ACOXL: variants seen among roughly 807,000 people sequenced by gnomAD.
ACOXL encodes the protein acyl-coenzyme A oxidase-like protein.
A neutral mutation model predicts 71.9 loss-of-function variants in ACOXL; 70 were observed. The observed-to-expected ratio is 0.97, with a 90% CI of 0.80 to 1.19. The LOEUF (loss-of-function observed/expected upper bound fraction) is 1.19, where lower values mean the gene tolerates loss of function less well. ACOXL is among the 50% of genes most tolerant of loss of function. The pLI, the probability that ACOXL is intolerant of heterozygous loss-of-function variation, is 0.00. For missense variants in ACOXL, 703 were observed against 736.3 expected, an observed-to-expected ratio of 0.95 and a Z score of 0.52; for synonymous variants, 253 against 281.6, an observed-to-expected ratio of 0.90 and a Z score of 1.02.
chr2:111,068,523 C>A (rs895077289), intron 16 of ACOXL, among the ~76,000 whole-genome samples: 2 of 152,186 alleles, frequency 1.3e-5, no homozygotes, highest in African/African-American at 4.8e-5. Context: ...CCTGAAGTGG[C>A]TGGTTTTTAG....
chr2:110,796,915 A>G (rs188903819), intron 5 of ACOXL, among the ~76,000 whole-genome samples: 5 of 152,340 alleles, frequency 3.3e-5, no homozygotes, highest in African/African-American at 1.2e-4. Context: ...TATATACTTT[A>G]TAGTCTGAAA....
At chr2:111,071,618 G>A (rs908811316) in intron 16 of ACOXL, among the ~76,000 whole-genome samples, 4 of 152,200 alleles carry the variant, frequency 2.6e-5, no homozygotes, top group African/African-American at 4.8e-5. Flanking sequence ...GTTGCTGGGG[G>A]AAGCTGTTCT....
chr2:110,820,940 G>A (rs1435200454), intron 9 of ACOXL, among the ~76,000 whole-genome samples: 3 of 152,184 alleles, frequency 2.0e-5, no homozygotes, highest in Admixed American at 6.5e-5. Context: ...CCTCCCTCCT[G>A]CTATTGTTGG....
chr2:111,034,884 T>C (rs1335180368), intron 15 of ACOXL, among the ~76,000 whole-genome samples: 1 of 151,452 alleles, frequency 6.6e-6, no homozygotes, highest in African/African-American at 2.4e-5. Flanking sequence ...GAAGAATGCA[T>C]AGGAAGGAAG....
chr2:110,957,908 A>C (rs1039858784), intron 12 of ACOXL, among the ~76,000 whole-genome samples: 4 of 151,988 alleles, frequency 2.6e-5, no homozygotes, highest in African/African-American at 9.7e-5. Flanking sequence ...AATACAAAAA[A>C]AAAGGCGGGC....
intron 1 of ACOXL, among the ~76,000 whole-genome samples, chr2:110,734,477 G>A (rs1023054858): frequency 2.2e-4 from 34 of 152,078 alleles, no homozygotes; most frequent in African/African-American, 8.2e-4. Flanking sequence ...CACCGTGTTG[G>A]CCAGGCTGGT....
intron 3 of ACOXL, among the ~76,000 whole-genome samples, chr2:110,789,165 CAG>C (rs1386226515): frequency 6.6e-6 from 1 of 152,116 alleles, no homozygotes. Context: ...CTCACAGCGA[CAG>C]GGGTGGGCAT....
intron 16 of ACOXL, among the ~76,000 whole-genome samples, chr2:111,064,608 G>A (rs1191723765): frequency 6.6e-6 from 1 of 152,154 alleles, no homozygotes; most frequent in East Asian, 1.9e-4. Flanking sequence ...GACTGTACGT[G>A]TTCAGTACAG....
At chr2:111,093,121 C>T (rs751234710) in intron 17 of ACOXL, among the ~76,000 whole-genome samples, 155 bp downstream of exon 17, 3 of 151,088 alleles carry the variant, frequency 2.0e-5, no homozygotes, top group Non-Finnish European at 4.4e-5. Context: ...CTATCATGAT[C>T]GTATTACACT....
At chr2:111,078,489 C>G (rs6716395) in intron 16 of ACOXL, among the ~76,000 whole-genome samples, 12,821 of 152,200 alleles carry the variant, frequency 0.084, 637 homozygotes, top group Non-Finnish European at 0.11. Context: ...GTCTTGAACT[C>G]CTGACCTCAA....
At chr2:111,075,185 T>G (rs922850273) in intron 16 of ACOXL, among the ~76,000 whole-genome samples, 1 of 152,080 alleles carries the variant, frequency 6.6e-6, no homozygotes, top group African/African-American at 2.4e-5. Flanking sequence ...ATGTAAATAT[T>G]GGGTAGAATT....
chr2:110,864,550 G>A (rs760058338), intron 10 of ACOXL, among the ~76,000 whole-genome samples: 2 of 152,134 alleles, frequency 1.3e-5, no homozygotes. Flanking sequence ...CTTGGCTAAG[G>A]GCGTATAAGC....
rs1409834412 is a variant in ACOXL, at chr2:110,784,772, T to A, written c.116T>A (p.Ile39Lys). 7.5e-6 allele frequency: 12 copies of A among 1,610,270 alleles called. No homozygotes were observed. In the South Asian group the frequency reaches 1.1e-4, roughly 15 times the overall value. The change falls in exon 3 of 18, where the codon ATA (isoleucine) becomes AAA (lysine). Residue 39 changes from isoleucine to lysine, a missense_variant. Transcript: ENST00000439055. The stretch of plus-strand genomic sequence containing the variant: ...AATTTTGTCAGCCGAAGCCTTGTCA[T>A]AGGAGAAGTCCTCTCCATGGCGGAC... ...TKNFVSRSLV[I>K]GEVLSMADMA...
chr2:110,892,552 C>T (rs971442348), intron 10 of ACOXL, among the ~76,000 whole-genome samples: 2 of 152,176 alleles, frequency 1.3e-5, no homozygotes, highest in Non-Finnish European at 2.9e-5. Context: ...AGTTTTTGCT[C>T]GGAGGGGTGG....
At position 111,112,461 on chromosome 2, in the gene ACOXL, C is replaced by T. The variant is rs559944144; in HGVS notation, c.1543-5155C>T. 6.8e-4 allele frequency among the ~76,000 whole-genome samples: 103 copies of T among 152,318 alleles called. 2 individuals are homozygous for T. In the South Asian group the frequency reaches 7.9e-3, roughly 12 times the overall value. ...TTCAGGTTTATTTTTCTTTCATTGA[C>T]TGCTTAGTCAGGCATAAGGACTAAG... On this transcript the variant is annotated intron_variant, in intron 17 of 17. Transcript: ENST00000439055.
At chr2:111,005,733 A>G (rs970326322) in intron 14 of ACOXL, among the ~76,000 whole-genome samples, 4 of 152,250 alleles carry the variant, frequency 2.6e-5, no homozygotes, top group African/African-American at 9.6e-5. Context: ...ATTGGGTGGC[A>G]CACACATATC....
chr2:110,956,251 A>G (rs1057241020), intron 12 of ACOXL, among the ~76,000 whole-genome samples: 6 of 152,072 alleles, frequency 3.9e-5, no homozygotes, highest in Non-Finnish European at 8.8e-5. Context: ...CACCTGGCCA[A>G]TGTCTGTCTC....
intron 1 of ACOXL, among the ~76,000 whole-genome samples, chr2:110,742,723 G>C (rs1677699181): frequency 6.6e-6 from 1 of 152,172 alleles, no homozygotes; most frequent in Non-Finnish European, 1.5e-5. Flanking sequence ...AAAATTGTTT[G>C]AGTGCATACA....
chr2:110,872,479 C>T (rs1194976984), intron 10 of ACOXL, among the ~76,000 whole-genome samples: 1 of 152,238 alleles, frequency 6.6e-6, no homozygotes, highest in African/African-American at 2.4e-5. Context: ...AGGTGTCCGT[C>T]TCCTGGGGGT....
Sources: allele counts gnomAD v4.1 joint callset (sites outside exome capture counted in the v4.1 genomes callset), GRCh38; gene constraint gnomAD v4.1.1; transcripts MANE v1.5; gene names NCBI Gene and HGNC (gene_info 2026-07-23, HGNC 2026-07-21).